COMMD10: variants seen among roughly 807,000 people sequenced by gnomAD.
The protein encoded by COMMD10 is COMM domain containing 10.
Under a neutral mutation model 28.9 loss-of-function variants are expected in COMMD10, and 33 were observed. The ratio of observed to expected loss-of-function variants is 1.14; its 90% confidence interval spans 0.87 to 1.53. The LOEUF (loss-of-function observed/expected upper bound fraction) is 1.53, where lower values mean the gene tolerates loss of function less well. Among genes scored for constraint, COMMD10 ranks in the 40% most tolerant of loss-of-function variants. The pLI is 0.00. For missense variants in COMMD10, 310 were observed against 233.4 expected (o/e 1.33, Z -2.14); for synonymous variants, 110 against 81.7 (o/e 1.35, Z -1.87).
At chr5:116,123,452 G>A (rs1005871545) in intron 4 of COMMD10, among the ~76,000 whole-genome samples, 3 of 152,142 alleles carry the variant, frequency 2.0e-5, no homozygotes, top group African/African-American at 7.2e-5. Flanking sequence ...TTTTTGACGT[G>A]CTGCTGGATT....
intron 5 of COMMD10, among the ~76,000 whole-genome samples, chr5:116,283,923 G>T (rs1580610389): frequency 1.3e-5 from 2 of 151,588 alleles, no homozygotes. Flanking sequence ...TGAGCTCAGG[G>T]GTTTGAAACC....
intron 5 of COMMD10, among the ~76,000 whole-genome samples, chr5:116,152,607 G>A (rs10051047): frequency 0.32 from 49,230 of 151,968 alleles, 11,323 homozygotes; most frequent in African/African-American, 0.66. Flanking sequence ...AGTGAATGGT[G>A]TTATTTAATT....
At chr5:116,184,102 A>C (rs1372323236) in intron 5 of COMMD10, among the ~76,000 whole-genome samples, 4 of 152,096 alleles carry the variant, frequency 2.6e-5, no homozygotes. Flanking sequence ...ATTAATGACT[A>C]GTGAAAGAAG....
intron 5 of COMMD10, among the ~76,000 whole-genome samples, chr5:116,141,948 T>C (rs554086838): frequency 6.6e-6 from 1 of 152,022 alleles, no homozygotes; most frequent in Admixed American, 6.6e-5. Flanking sequence ...TCAAGTGAAA[T>C]GATTTTTTAA....
At chr5:116,150,377 T>C (rs2112550905) in intron 5 of COMMD10, among the ~76,000 whole-genome samples, 1 of 152,318 alleles carries the variant, frequency 6.6e-6, no homozygotes, top group East Asian at 1.9e-4. Context: ...AAAGTAGTTT[T>C]TTCCAATTCT....
chr5:116,155,710 T>A (rs1291551306), intron 5 of COMMD10, among the ~76,000 whole-genome samples: 4 of 152,084 alleles, frequency 2.6e-5, no homozygotes, highest in Admixed American at 2.6e-4. Context: ...TGTGATTCTA[T>A]TGCTTTCAGC....
chr5:116,163,438 A>G (rs1188393076), intron 5 of COMMD10, among the ~76,000 whole-genome samples: 1 of 150,252 alleles, frequency 6.7e-6, no homozygotes, highest in African/African-American at 2.5e-5. Flanking sequence ...AAAAAAAAAA[A>G]AAAAAGCCAG....
intron 5 of COMMD10, among the ~76,000 whole-genome samples, chr5:116,141,751 C>G (rs1752203611): frequency 6.6e-6 from 1 of 151,628 alleles, no homozygotes; most frequent in South Asian, 2.1e-4. Flanking sequence ...TTCTTGATTT[C>G]TTTTTAAGCT....
At chr5:116,231,950 C>T (rs1199452833) in intron 5 of COMMD10, among the ~76,000 whole-genome samples, 1 of 152,050 alleles carries the variant, frequency 6.6e-6, no homozygotes, top group Admixed American at 6.6e-5. Context: ...TACTTCTGAA[C>T]TGAATGATAC....
At chr5:116,141,124 C>T (rs1037903952) in intron 5 of COMMD10, among the ~76,000 whole-genome samples, 1 of 151,318 alleles carries the variant, frequency 6.6e-6, no homozygotes, top group Non-Finnish European at 1.5e-5. Context: ...TGTAAAGGTC[C>T]AATTTCATTG....
chr5:116,155,943 C>A (rs994852247), intron 5 of COMMD10, among the ~76,000 whole-genome samples: 2 of 151,934 alleles, frequency 1.3e-5, no homozygotes, highest in East Asian at 3.9e-4. Context: ...AATTGAGGTC[C>A]TACAATTTTT....
At chr5:116,274,335 A>G (rs922441740) in intron 5 of COMMD10, among the ~76,000 whole-genome samples, 2 of 151,882 alleles carry the variant, frequency 1.3e-5, no homozygotes, top group Admixed American at 6.6e-5. Context: ...ACCAAATAGT[A>G]AATTCTTTAA....
intron 5 of COMMD10, among the ~76,000 whole-genome samples, chr5:116,160,670 T>C (rs1752887974): frequency 6.6e-6 from 1 of 152,176 alleles, no homozygotes; most frequent in Non-Finnish European, 1.5e-5. Context: ...CTGCTGATAC[T>C]AGAAACTTCT....
At chr5:116,112,877 C>T (rs895777772) in intron 4 of COMMD10, among the ~76,000 whole-genome samples, 1 of 151,646 alleles carries the variant, frequency 6.6e-6, no homozygotes, top group Non-Finnish European at 1.5e-5. Flanking sequence ...GTAATGGTTT[C>T]ATTTGATTCT....
intron 5 of COMMD10, among the ~76,000 whole-genome samples, chr5:116,212,496 CTGTGTG>C (rs11268771): frequency 1.3e-4 from 8 of 63,796 alleles, no homozygotes; most frequent in African/African-American, 2.6e-4. Context: ...TACTGAAATG[CTGTGTG>C]TGTGTGTGTG....
At chr5:116,117,709 G>T (rs1004298809) in intron 4 of COMMD10, among the ~76,000 whole-genome samples, 3 of 152,004 alleles carry the variant, frequency 2.0e-5, no homozygotes, top group African/African-American at 7.3e-5. Context: ...TAAGTGATCT[G>T]CCCGCCTTGG....
At chr5:116,095,404 C>T (rs1249860110) in intron 4 of COMMD10, among the ~76,000 whole-genome samples, 1 of 152,152 alleles carries the variant, frequency 6.6e-6, no homozygotes, top group African/African-American at 2.4e-5. Context: ...CTAAGCTAAG[C>T]TGTGATGTTT....
At chr5:116,263,482 C>A (rs1371003558) in intron 5 of COMMD10, among the ~76,000 whole-genome samples, 1 of 151,764 alleles carries the variant, frequency 6.6e-6, no homozygotes, top group Non-Finnish European at 1.5e-5. Flanking sequence ...AGAGAATCCC[C>A]TTTCCTCTTT....
chr5:116,102,990 C>A (rs1175123099), intron 4 of COMMD10, among the ~76,000 whole-genome samples: 4 of 152,190 alleles, frequency 2.6e-5, no homozygotes, highest in Non-Finnish European at 4.4e-5. Context: ...CTGCAAAGGA[C>A]ATGAACTCAT....
Sources: allele counts gnomAD v4.1 joint callset (sites outside exome capture counted in the v4.1 genomes callset), GRCh38; gene constraint gnomAD v4.1.1; transcripts MANE v1.5; gene names NCBI Gene and HGNC (gene_info 2026-07-23, HGNC 2026-07-21).